The following NTNG1 variants were observed in gnomAD, a reference collection of about 807,000 sequenced individuals.
NTNG1 encodes the protein netrin-G1.
NTNG1 carries 16 observed loss-of-function variants against 54.0 expected under a neutral mutation model. The ratio of observed to expected loss-of-function variants is 0.30; its 90% CI spans 0.20 to 0.45. The LOEUF (loss-of-function observed/expected upper bound fraction) is 0.45, where lower values mean the gene tolerates loss of function less well. NTNG1 is among the 20% of genes least tolerant of loss of function. NTNG1 has a pLI of 1.00. For missense variants in NTNG1, 530 were observed against 678.7 expected, an observed-to-expected ratio of 0.78 and a Z score of 2.43; for synonymous variants, 255 against 263.1, an observed-to-expected ratio of 0.97 and a Z score of 0.30.
rs183757221 is a variant in NTNG1, at chr1:107,175,677, A to G, written c.246+26838A>G. On this transcript the variant is annotated intron_variant, in intron 2 of 7. Transcript: ENST00000370068. ...TTATATGAAAAGCTATTATGCTATT[A>G]TGTAATTTGAAACAAAAGGCCAGTC... Among the ~76,000 whole-genome samples, 5 of 151,996 alleles carry G rather than the reference A, an allele frequency of 3.3e-5. No homozygotes were observed. In the East Asian group the frequency reaches 9.7e-4, roughly 29 times the overall value.
At chr1:107,475,827 A>G (rs1249120147) in intron 7 of NTNG1, among the ~76,000 whole-genome samples, 2 of 152,116 alleles carry the variant, frequency 1.3e-5, no homozygotes, top group African/African-American at 2.4e-5. Flanking sequence ...TGGCCTCGCT[A>G]TACACATCAG....
intron 2 of NTNG1, among the ~76,000 whole-genome samples, chr1:107,186,621 G>A (rs990260050): frequency 4.6e-5 from 7 of 152,112 alleles, no homozygotes; most frequent in Non-Finnish European, 8.8e-5. Context: ...CTAACTCTCC[G>A]GCCACCCAAG....
chr1:107,382,771 C>G (rs1185580240), intron 3 of NTNG1, among the ~76,000 whole-genome samples: 1 of 151,988 alleles, frequency 6.6e-6, no homozygotes, highest in East Asian at 1.9e-4. Context: ...TTTCCTCTCT[C>G]TCTCTCTCTC....
At chr1:107,338,430 C>T (rs1046278730) in intron 3 of NTNG1, among the ~76,000 whole-genome samples, 4 of 152,048 alleles carry the variant, frequency 2.6e-5, no homozygotes, top group Middle Eastern at 3.4e-3. Flanking sequence ...GCCATCATCT[C>T]TCCCCAGCTA....
intron 2 of NTNG1, among the ~76,000 whole-genome samples, chr1:107,316,508 G>A (rs531935438): frequency 2.1e-4 from 32 of 152,270 alleles, no homozygotes; most frequent in African/African-American, 6.7e-4. Context: ...GTGGGTTTGA[G>A]CACATACCTC....
intron 2 of NTNG1, among the ~76,000 whole-genome samples, chr1:107,250,313 G>A (rs913796551): frequency 6.6e-6 from 1 of 152,198 alleles, no homozygotes; most frequent in South Asian, 2.1e-4. Flanking sequence ...ACTGCTGCCA[G>A]GATGTGGGAG....
chr1:107,478,648 C>A (rs1678492451), intron 7 of NTNG1, among the ~76,000 whole-genome samples: 1 of 152,106 alleles, frequency 6.6e-6, no homozygotes, highest in African/African-American at 2.4e-5. Flanking sequence ...ACCTCTAGTG[C>A]CCAAATGAAA....
At chr1:107,211,099 A>G (rs563311086) in intron 2 of NTNG1, among the ~76,000 whole-genome samples, 4 of 152,274 alleles carry the variant, frequency 2.6e-5, no homozygotes, top group African/African-American at 9.6e-5. Context: ...TAATTATTTC[A>G]TATGTGTTGG....
intron 3 of NTNG1, among the ~76,000 whole-genome samples, chr1:107,339,502 A>T (rs1461942231): frequency 6.6e-6 from 1 of 152,112 alleles, no homozygotes; most frequent in Non-Finnish European, 1.5e-5. Flanking sequence ...AAAGGGTTTC[A>T]TTTGGCAAAT....
intron 3 of NTNG1, among the ~76,000 whole-genome samples, chr1:107,357,809 A>C (rs902886813): frequency 6.6e-6 from 1 of 152,174 alleles, no homozygotes; most frequent in Non-Finnish European, 1.5e-5. Flanking sequence ...CTGTGATTAT[A>C]ATGGTGAGTT....
chr1:107,261,409 A>C (rs574847763), intron 2 of NTNG1, among the ~76,000 whole-genome samples: 12 of 152,332 alleles, frequency 7.9e-5, no homozygotes, highest in African/African-American at 2.4e-4. Context: ...ATCAGGTGGA[A>C]AATGCTGGCA....
chr1:107,209,341 GA>G (rs1659441377), intron 2 of NTNG1, among the ~76,000 whole-genome samples: 2 of 152,036 alleles, frequency 1.3e-5, no homozygotes, highest in Non-Finnish European at 2.9e-5. Context: ...CTGTAGTCAT[GA>G]TGAAGATGCC....
Position 107,458,932 on chromosome 1 carries a change from G to A in NTNG1, c.1391-21679G>A, listed in dbSNP as rs116702621. ...TATAACTTAATGTTTGCCTTGTTTC[G>A]TTCTACTTCCTACAATCTCAGAAGG... On this transcript the variant is annotated intron_variant, in intron 7 of 7. Transcript: ENST00000370068. Among the ~76,000 whole-genome samples, 361 of 152,142 alleles carry A rather than the reference G, an allele frequency of 2.4e-3. 4 individuals are homozygous for A. Among genetic ancestry groups the A allele is most frequent in the Non-Finnish European group, 4.0e-3 (272 of 67,990 alleles).
At chr1:107,227,666 G>GCTCTCT (rs10642554) in intron 2 of NTNG1, among the ~76,000 whole-genome samples, 72 of 144,574 alleles carry the variant, frequency 5.0e-4, no homozygotes, top group South Asian at 4.0e-3. Context: ...TGTCTCTCTC[G>GCTCTCT]CTCTCTCTCT....
chr1:107,318,543 A>T (rs1485183347), intron 2 of NTNG1, among the ~76,000 whole-genome samples: 1 of 151,234 alleles, frequency 6.6e-6, no homozygotes, highest in Non-Finnish European at 1.5e-5. Flanking sequence ...AAAAAAAAAA[A>T]GACAAAGAAA....
intron 2 of NTNG1, among the ~76,000 whole-genome samples, chr1:107,179,478 AT>A (rs762857326): frequency 1.3e-5 from 2 of 151,560 alleles, no homozygotes; most frequent in African/African-American, 4.8e-5. Flanking sequence ...ATTTCAATGT[AT>A]TTTTTTTAAA....
At position 107,482,082 on chromosome 1, in the gene NTNG1, A is replaced by AAAAAAAAAAAT. The variant is rs1678760770; in HGVS notation, c.*1242_*1243insAAAAAAAAAAT. On this transcript the variant is annotated 3_prime_UTR_variant, in exon 8 of 8. Coordinates refer to ENST00000370068, the MANE Select transcript of NTNG1 (RefSeq NM_001113226.3). The stretch of plus-strand genomic sequence containing the variant: ...AAAAAAAAAAAAAAAAAAAAAAAAA[A>AAAAAAAAAAAT]TCTAAGTGATTGCCAAGATTATGCC... 1 of 141,706 alleles carries AAAAAAAAAAAT rather than the reference A, an allele frequency of 7.1e-6. No homozygotes were observed. Among genetic ancestry groups the AAAAAAAAAAAT allele is most frequent in the African/African-American group, 2.6e-5 (1 of 38,250 alleles). The allele number at this position is 141,706 out of a possible 1,614,324, so 8.8% of individuals were successfully genotyped here.
intron 7 of NTNG1, among the ~76,000 whole-genome samples, chr1:107,469,790 C>T (rs1238616350): frequency 6.6e-6 from 1 of 152,106 alleles, no homozygotes; most frequent in African/African-American, 2.4e-5. Flanking sequence ...TATTCCATGC[C>T]AGGGACAGTG....
intron 1 of NTNG1, among the ~76,000 whole-genome samples, chr1:107,142,600 G>A (rs924707689): frequency 5.9e-5 from 9 of 151,414 alleles, no homozygotes; most frequent in African/African-American, 1.9e-4. Context: ...GGTGAATCTG[G>A]CAGTAGAATT....
Sources: allele counts gnomAD v4.1 joint callset (sites outside exome capture counted in the v4.1 genomes callset), GRCh38; gene constraint gnomAD v4.1.1; transcripts MANE v1.5; gene names NCBI Gene and HGNC (gene_info 2026-07-23, HGNC 2026-07-21).